Variants in ARHGAP29 observed in about 807,000 individuals in gnomAD.
The protein encoded by ARHGAP29 is rho GTPase-activating protein 29.
In ARHGAP29, 43 loss-of-function variants were observed where a neutral mutation model predicts 122.6. That is an observed-to-expected ratio of 0.35 (90% CI 0.27 to 0.45). ARHGAP29 has a LOEUF of 0.45. ARHGAP29 is among the 20% of genes least tolerant of loss of function. ARHGAP29 has a pLI of 1.00. For missense variants in ARHGAP29, 1,303 were observed against 1,477.2 expected, an observed-to-expected ratio of 0.88 and a Z score of 1.93; for synonymous variants, 506 against 497.1, an observed-to-expected ratio of 1.02 and a Z score of -0.24.
Position 94,185,073 on chromosome 1 carries a change from G to T in ARHGAP29, c.1921-13C>A, listed in dbSNP as rs1649711190. 1 of 1,600,384 alleles carries T rather than the reference G, an allele frequency of 6.2e-7. No individual in the cohort carries two copies. The highest frequency in any genetic ancestry group is 2.2e-5 in the East Asian group (1 of 44,592). ...AAACAAGGAGACACTACAAGAAAAT[G>T]ATAGTTTGAAACTGGTTAACCTTAA... On this transcript the variant is annotated splice_polypyrimidine_tract_variant and intron_variant, in intron 17 of 22. Coordinates refer to ENST00000260526, the MANE Select transcript of ARHGAP29 (RefSeq NM_004815.4).
chr1:94,179,893 T>C lies in ARHGAP29; in HGVS notation c.2312A>G (p.Gln771Arg). ...TGTCTCTTGTTCTTCATTTACATGTTGGATCTCTTTTGCAAGGTCTATAAA... is the reference window on the plus strand; with the variant it reads ...TGTCTCTTGTTCTTCATTTACATGTCGGATCTCTTTTGCAAGGTCTATAAA... ...KEFIDLAKEI[Q>R]HVNEEQETKK... Residue 771 changes from glutamine (Q) to arginine (R), a missense_variant, in exon 20 of 23, where the codon CAA becomes CGA. Coordinates refer to ENST00000260526, the MANE Select transcript of ARHGAP29 (RefSeq NM_004815.4). 1 of 1,613,168 alleles carries C rather than the reference T, an allele frequency of 6.2e-7. No homozygotes were observed. The highest frequency in any genetic ancestry group is 8.5e-7 in the Non-Finnish European group (1 of 1,179,656).
the ARHGAP29 span, among the ~76,000 whole-genome samples, chr1:94,300,663 C>A: frequency 2.6e-5 from 4 of 152,046 alleles, no homozygotes; most frequent in Non-Finnish European, 5.9e-5. Flanking sequence ...TCTGATTTCT[C>A]CACTAGATTA....
upstream of ARHGAP29, among the ~76,000 whole-genome samples, chr1:94,279,628 G>T (rs1330701082): frequency 6.6e-6 from 1 of 152,170 alleles, no homozygotes; most frequent in Non-Finnish European, 1.5e-5. Context: ...GCCCATGTTG[G>T]TTGAATGCAT....
chr1:94,237,645 C>G, upstream of ARHGAP29: 1 of 986,682 alleles, frequency 1.0e-6, no homozygotes, highest in Non-Finnish European at 1.2e-6. Flanking sequence ...CCAGCCCCGC[C>G]CCCTGGAGCC....
intron 11 of ARHGAP29, 81 bp from the exon 12 acceptor site, chr1:94,201,938 A>G (rs2101503560): frequency 7.9e-7 from 1 of 1,266,066 alleles, no homozygotes; most frequent in East Asian, 2.6e-5. Context: ...GCTAAGTTGA[A>G]ATAACTGAAA....
At chr1:94,177,537 C>A in intron 22 of ARHGAP29, 75 bp downstream of exon 22, 1 of 1,143,454 alleles carries the variant, frequency 8.7e-7, no homozygotes, top group Non-Finnish European at 1.2e-6. Context: ...TTGCCCCTCA[C>A]CTTGGTTTTA....
rs34447953 is a variant in ARHGAP29 at position 94,265,131 on chromosome 1, C to A, written c.-33+9881G>T. Among the ~76,000 whole-genome samples the A allele has an allele frequency of 2.4e-3, 361 of 152,350 alleles. 2 individuals carry two copies. The highest frequency in any genetic ancestry group is 4.2e-3 in the Non-Finnish European group (283 of 68,032). Reference sequence around the variant, plus strand: ...CTATTCCACTCCCCAGACATCCCAGCCCTTCCCTACTTCTGTTAGGTCCTT... The same window carrying A: ...CTATTCCACTCCCCAGACATCCCAGACCTTCCCTACTTCTGTTAGGTCCTT... On this transcript the variant is annotated intron_variant and NMD_transcript_variant, in intron 1 of 25. Coordinates refer to the ARHGAP29 transcript ENST00000552844.
At chr1:94,268,320 C>G (rs1654854099) in intron 1 of ARHGAP29, among the ~76,000 whole-genome samples, 12 of 152,072 alleles carry the variant, frequency 7.9e-5, no homozygotes. Flanking sequence ...TCTGATCATC[C>G]TATTCTGCAA....
the ARHGAP29 span, among the ~76,000 whole-genome samples, chr1:94,301,260 A>T: frequency 6.6e-6 from 1 of 152,146 alleles, no homozygotes; most frequent in Non-Finnish European, 1.5e-5. Flanking sequence ...CTAGTGAATT[A>T]GTCAGTTTCT....
chr1:94,218,751 A>C (rs570316348), intron 3 of ARHGAP29, among the ~76,000 whole-genome samples: 1 of 152,360 alleles, frequency 6.6e-6, no homozygotes, highest in South Asian at 2.1e-4. Context: ...GAAATACAGA[A>C]AAAAGGAAAC....
upstream of ARHGAP29, among the ~76,000 whole-genome samples, chr1:94,239,524 G>A (rs1653491479): frequency 6.6e-6 from 1 of 151,612 alleles, no homozygotes; most frequent in Non-Finnish European, 1.5e-5. Context: ...GAGAGACAAA[G>A]GGAGAGACAA....
At chr1:94,242,635 G>A (rs1440688315) in intron 1 of ARHGAP29, among the ~76,000 whole-genome samples, 4 of 143,450 alleles carry the variant, frequency 2.8e-5, no homozygotes, top group African/African-American at 2.5e-5. Flanking sequence ...AAAAAAGGCA[G>A]GACAAGAAGA....
At chr1:94,291,965 G>A in the ARHGAP29 span, among the ~76,000 whole-genome samples, 1 of 152,130 alleles carries the variant, frequency 6.6e-6, no homozygotes, top group Non-Finnish European at 1.5e-5. Flanking sequence ...TCTTTGTGGT[G>A]TTCTCCGTAT....
At chr1:94,279,947 G>GC (rs911090914), upstream of ARHGAP29, among the ~76,000 whole-genome samples, 19 of 151,724 alleles carry the variant, frequency 1.3e-4, no homozygotes, top group Non-Finnish European at 2.4e-4. Flanking sequence ...GCTAGTGCCC[G>GC]CAAGTTGTTT....
At chr1:94,196,170 C>G (rs954225096) in intron 12 of ARHGAP29, among the ~76,000 whole-genome samples, 2 of 151,844 alleles carry the variant, frequency 1.3e-5, no homozygotes, top group South Asian at 2.1e-4. Flanking sequence ...CAACAGAACA[C>G]ACATGCTTTT....
chr1:94,229,313 T>A (rs1433397249), intron 2 of ARHGAP29, among the ~76,000 whole-genome samples: 1 of 151,858 alleles, frequency 6.6e-6, no homozygotes, highest in African/African-American at 2.4e-5. Flanking sequence ...ATGAGATCTT[T>A]GTAATACTTT....
intron 1 of ARHGAP29, among the ~76,000 whole-genome samples, chr1:94,253,212 G>A (rs1044307420): frequency 5.9e-5 from 9 of 152,076 alleles, no homozygotes; most frequent in African/African-American, 1.9e-4. Flanking sequence ...CTAGTGATCC[G>A]CCCATCTCGG....
At chr1:94,308,674 C>T in the ARHGAP29 span, among the ~76,000 whole-genome samples, 4 of 152,168 alleles carry the variant, frequency 2.6e-5, no homozygotes, top group African/African-American at 7.2e-5. Context: ...CCAGCCACTG[C>T]GCCAGGATCC....
At chr1:94,222,872 A>G (rs1258879955) in intron 2 of ARHGAP29, among the ~76,000 whole-genome samples, 1 of 152,106 alleles carries the variant, frequency 6.6e-6, no homozygotes, top group Non-Finnish European at 1.5e-5. Context: ...ATAAAAGTCT[A>G]TTTTTAAAAT....
Sources: gnomAD v4.1 joint callset for allele counts (sites outside exome capture counted in the v4.1 genomes callset) on GRCh38, gnomAD v4.1.1 for gene constraint, MANE v1.5 for transcripts, NCBI Gene and HGNC (gene_info 2026-07-23, HGNC 2026-07-21) for gene names.